The following ANO4 variants were observed in gnomAD, a reference collection of about 807,000 sequenced individuals.
ANO4 encodes the protein anoctamin 4, also known as anoctamin-4.
A neutral mutation model predicts 141.9 loss-of-function variants in ANO4; 69 were observed. That is an observed-to-expected ratio of 0.49 (90% CI 0.40 to 0.59). The LOEUF is 0.59. Among genes scored for constraint, ANO4 ranks in the 20% least tolerant of loss-of-function variants. The pLI is 0.00. For missense variants in ANO4, 894 were observed against 1,162.2 expected, an observed-to-expected ratio of 0.77 and a Z score of 3.36; for synonymous variants, 350 against 394.3, an observed-to-expected ratio of 0.89 and a Z score of 1.33.
At chr12:100,913,274 G>A (rs1490337046) in intron 2 of ANO4, among the ~76,000 whole-genome samples, 1 of 152,188 alleles carries the variant, frequency 6.6e-6, no homozygotes, top group Non-Finnish European at 1.5e-5. Flanking sequence ...CAGCCACAAA[G>A]AAAAGCAAAT....
chr12:101,106,471 G>A (rs1158555092), intron 22 of ANO4, among the ~76,000 whole-genome samples: 2 of 151,138 alleles, frequency 1.3e-5, no homozygotes, highest in South Asian at 4.2e-4. Context: ...CAAAAAAATT[G>A]TAAATAATGA....
At chr12:101,010,535 GT>G (rs1329705936) in intron 8 of ANO4, among the ~76,000 whole-genome samples, 1 of 152,148 alleles carries the variant, frequency 6.6e-6, no homozygotes, top group Non-Finnish European at 1.5e-5. Flanking sequence ...AAGATTAGAA[GT>G]TAGATATTGT....
chr12:101,019,332 C>A (rs916368197), intron 8 of ANO4, among the ~76,000 whole-genome samples: 4 of 152,106 alleles, frequency 2.6e-5, no homozygotes, highest in African/African-American at 9.7e-5. Context: ...CCTAGAAAAC[C>A]TCTTAGTAGG....
chr12:101,097,765 G>A, intron 20 of ANO4, 57 bp downstream of exon 20: 38 of 1,607,708 alleles, frequency 2.4e-5, no homozygotes, highest in Non-Finnish European at 3.2e-5. Flanking sequence ...ACAGCCTTAG[G>A]GCAACTTTGT....
chr12:100,825,344 T>C (rs2036272883), intron 1 of ANO4, among the ~76,000 whole-genome samples: 2 of 152,062 alleles, frequency 1.3e-5, no homozygotes. Flanking sequence ...ATTCTCTATG[T>C]ACATGATTTC....
At chr12:100,801,500 A>ATTT (rs36028810) in intron 1 of ANO4, among the ~76,000 whole-genome samples, 15 of 147,414 alleles carry the variant, frequency 1.0e-4, no homozygotes, top group Admixed American at 2.7e-4. Flanking sequence ...GGAATGAAAG[A>ATTT]TTTTTTTTTT....
At chr12:100,965,563 T>A (rs968519903) in intron 5 of ANO4, among the ~76,000 whole-genome samples, 2 of 151,996 alleles carry the variant, frequency 1.3e-5, no homozygotes, top group Non-Finnish European at 2.9e-5. Flanking sequence ...CCTGGCATGA[T>A]CATTCCCAGC....
At chr12:100,905,405 G>A (rs1273222312) in intron 2 of ANO4, among the ~76,000 whole-genome samples, 1 of 149,914 alleles carries the variant, frequency 6.7e-6, no homozygotes, top group Non-Finnish European at 1.5e-5. Flanking sequence ...CAGCAAAGAT[G>A]GAGAAAACCC....
chr12:100,905,391 G>C (rs73389649), intron 2 of ANO4, among the ~76,000 whole-genome samples: 7,079 of 152,008 alleles, frequency 0.047, 564 homozygotes, highest in African/African-American at 0.16. Context: ...CAGGAAAGAA[G>C]CACCAGCAAA....
intron 2 of ANO4, among the ~76,000 whole-genome samples, chr12:100,909,620 T>A (rs1389380467): frequency 1.3e-5 from 2 of 152,084 alleles, no homozygotes; most frequent in African/African-American, 4.8e-5. Flanking sequence ...TTAGAAAGAC[T>A]CAAAACACAT....
At chr12:100,958,732 G>A (rs111225965) in intron 5 of ANO4, among the ~76,000 whole-genome samples, 4 of 151,976 alleles carry the variant, frequency 2.6e-5, no homozygotes, top group Admixed American at 6.6e-5. Context: ...CCTGTAGTCC[G>A]AGCTACTTGG....
chr12:100,812,237 G>A (rs931243950), intron 1 of ANO4, among the ~76,000 whole-genome samples: 1 of 152,144 alleles, frequency 6.6e-6, no homozygotes, highest in Non-Finnish European at 1.5e-5. Context: ...CTTTGTTGTT[G>A]TTCTGTTGAT....
chr12:101,087,499 G>A (rs1376262304), intron 17 of ANO4, among the ~76,000 whole-genome samples: 1 of 152,086 alleles, frequency 6.6e-6, no homozygotes, highest in African/African-American at 2.4e-5. Context: ...CTCAGCCTGG[G>A]TGACAGAGGG....
chr12:100,936,337 CGG>C (rs1296025296), intron 3 of ANO4, among the ~76,000 whole-genome samples: 20 of 152,106 alleles, frequency 1.3e-4, no homozygotes, highest in Non-Finnish European at 2.8e-4. Flanking sequence ...GGATGTATAG[CGG>C]CATCCCTGGC....
chr12:100,928,273 T>A (rs1319686149), intron 3 of ANO4, among the ~76,000 whole-genome samples: 1 of 152,026 alleles, frequency 6.6e-6, no homozygotes, highest in Non-Finnish European at 1.5e-5. Context: ...AGTCTTTAAC[T>A]CTCTTTGCCT....
intron 1 of ANO4, among the ~76,000 whole-genome samples, chr12:100,873,920 G>A (rs959708176): frequency 1.8e-4 from 28 of 152,204 alleles, no homozygotes; most frequent in African/African-American, 4.6e-4. Flanking sequence ...CCAGGGCCCC[G>A]CTGACCTGCG....
At chr12:100,739,398 A>G (rs1391239700) in intron 2 of ANO4, among the ~76,000 whole-genome samples, 1 of 152,114 alleles carries the variant, frequency 6.6e-6, no homozygotes, top group African/African-American at 2.4e-5. Flanking sequence ...ATGGGAAAGA[A>G]CATAGATTTT....
At chr12:101,066,824 C>A in intron 14 of ANO4, 2 of 1,409,370 alleles carry the variant, frequency 1.4e-6, no homozygotes, top group Non-Finnish European at 2.0e-6. Flanking sequence ...TGATCCCTCA[C>A]TTCAGATTGA....
At chr12:100,829,542 A>G (rs2036532973) in intron 1 of ANO4, among the ~76,000 whole-genome samples, 1 of 152,074 alleles carries the variant, frequency 6.6e-6, no homozygotes, top group Admixed American at 6.6e-5. Flanking sequence ...TACAATGTGT[A>G]TGTAAATCAC....
Sources: gnomAD v4.1 joint callset for allele counts (sites outside exome capture counted in the v4.1 genomes callset) on GRCh38, gnomAD v4.1.1 for gene constraint, MANE v1.5 for transcripts, NCBI Gene and HGNC (gene_info 2026-07-23, HGNC 2026-07-21) for gene names.